TAFA1: variants seen among roughly 807,000 people sequenced by gnomAD.
TAFA1 encodes chemokine-like protein TAFA-1.
In TAFA1, 4 loss-of-function variants were observed where a neutral mutation model predicts 18.5. The ratio of observed to expected loss-of-function variants is 0.22; its 90% CI spans 0.11 to 0.49. The LOEUF is 0.49. Among genes scored for constraint, TAFA1 ranks in the 20% least tolerant of loss-of-function variants. The pLI is 0.98. For missense variants in TAFA1, 147 were observed against 169.0 expected, an observed-to-expected ratio of 0.87 and a Z score of 0.72; for synonymous variants, 56 against 55.2, an observed-to-expected ratio of 1.01 and a Z score of -0.06.
chr3:68,270,518 C>T (rs1028508816), intron 2 of TAFA1, among the ~76,000 whole-genome samples: 2 of 152,074 alleles, frequency 1.3e-5, no homozygotes, highest in Non-Finnish European at 2.9e-5. Flanking sequence ...GCATCGATTC[C>T]CCTGTCAGGG....
intron 2 of TAFA1, among the ~76,000 whole-genome samples, chr3:68,012,033 G>T (rs150111595): frequency 5.5e-4 from 83 of 152,150 alleles, no homozygotes; most frequent in South Asian, 1.5e-3. Context: ...TTTAGAAATG[G>T]CAAAAATGAA....
chr3:68,519,951 A>C (rs1248086616), intron 3 of TAFA1, among the ~76,000 whole-genome samples: 2 of 152,212 alleles, frequency 1.3e-5, no homozygotes, highest in Admixed American at 6.5e-5. Flanking sequence ...AATGTTGTTG[A>C]AGAAGAGTTT....
chr3:68,172,070 A>G (rs1485613365), intron 2 of TAFA1, among the ~76,000 whole-genome samples: 1 of 152,186 alleles, frequency 6.6e-6, no homozygotes, highest in East Asian at 1.9e-4. Context: ...AGTCTTCCCA[A>G]ATTTGATGAC....
At chr3:68,244,299 G>A (rs1381083812) in intron 2 of TAFA1, among the ~76,000 whole-genome samples, 2 of 152,024 alleles carry the variant, frequency 1.3e-5, no homozygotes, top group Non-Finnish European at 2.9e-5. Context: ...CCATTAATTG[G>A]TTGTTGTTTT....
intron 2 of TAFA1, among the ~76,000 whole-genome samples, chr3:68,176,260 T>C (rs528336902): frequency 6.6e-6 from 1 of 152,148 alleles, no homozygotes; most frequent in Non-Finnish European, 1.5e-5. Flanking sequence ...GGTGGGAGAA[T>C]TGTTTGAGGC....
chr3:68,313,228 A>G (rs1245569358), intron 2 of TAFA1, among the ~76,000 whole-genome samples: 2 of 152,238 alleles, frequency 1.3e-5, no homozygotes, highest in Non-Finnish European at 2.9e-5. Flanking sequence ...TGCTTAAAAC[A>G]TTATACCAAA....
chr3:68,482,891 G>C (rs1186034004), intron 3 of TAFA1, among the ~76,000 whole-genome samples: 12 of 152,206 alleles, frequency 7.9e-5, no homozygotes, highest in Admixed American at 7.9e-4. Flanking sequence ...TGTTGACATA[G>C]TTGAAGCCTC....
At chr3:68,359,740 A>G (rs980286779) in intron 2 of TAFA1, among the ~76,000 whole-genome samples, 1 of 151,962 alleles carries the variant, frequency 6.6e-6, no homozygotes, top group African/African-American at 2.4e-5. Flanking sequence ...AGATTGTGGT[A>G]AGTTGTTAAA....
intron 2 of TAFA1, among the ~76,000 whole-genome samples, chr3:68,009,528 A>C (rs1704429619): frequency 6.6e-6 from 1 of 152,226 alleles, no homozygotes; most frequent in Non-Finnish European, 1.5e-5. Context: ...CCCAAGTGCT[A>C]ATACATCTGA....
chr3:68,464,526 C>T (rs1455845550), intron 3 of TAFA1, among the ~76,000 whole-genome samples: 3 of 152,042 alleles, frequency 2.0e-5, no homozygotes, highest in African/African-American at 7.2e-5. Flanking sequence ...GGAAAACCAT[C>T]AGAAGCCCCT....
At chr3:68,361,950 G>A (rs889887775) in intron 2 of TAFA1, among the ~76,000 whole-genome samples, 6 of 152,050 alleles carry the variant, frequency 3.9e-5, no homozygotes, top group African/African-American at 1.4e-4. Context: ...CTAACATGGT[G>A]TCACTCATCT....
intron 2 of TAFA1, among the ~76,000 whole-genome samples, chr3:68,082,860 C>T (rs907993825): frequency 2.0e-5 from 3 of 152,120 alleles, no homozygotes; most frequent in Non-Finnish European, 2.9e-5. Flanking sequence ...TCGGAGCTAT[C>T]GAGTCCTGGT....
At chr3:68,224,023 A>G (rs1255203857) in intron 2 of TAFA1, among the ~76,000 whole-genome samples, 1 of 151,064 alleles carries the variant, frequency 6.6e-6, no homozygotes, top group Admixed American at 6.6e-5. Context: ...CCCAGATTTT[A>G]TAGCCAACAA....
intron 3 of TAFA1, among the ~76,000 whole-genome samples, chr3:68,471,274 G>A (rs2071992610): frequency 6.6e-6 from 1 of 152,222 alleles, no homozygotes; most frequent in African/African-American, 2.4e-5. Context: ...CAGTGCAGAA[G>A]GGAAGTGTGA....
intron 2 of TAFA1, among the ~76,000 whole-genome samples, chr3:68,385,704 G>T (rs2070085006): frequency 6.6e-6 from 1 of 151,866 alleles, no homozygotes; most frequent in Non-Finnish European, 1.5e-5. Context: ...ATAGCCTGTA[G>T]GCCAAACTCT....
At chr3:68,349,569 A>T (rs1490283889) in intron 2 of TAFA1, among the ~76,000 whole-genome samples, 4 of 152,040 alleles carry the variant, frequency 2.6e-5, no homozygotes, top group Admixed American at 2.6e-4. Flanking sequence ...ATTTCATAGG[A>T]AAAAAAGTCA....
chr3:68,462,466 A>G (rs1160350067), intron 3 of TAFA1, among the ~76,000 whole-genome samples: 2 of 152,108 alleles, frequency 1.3e-5, no homozygotes, highest in Non-Finnish European at 2.9e-5. Context: ...ACCTTTCACC[A>G]TGATCATGAG....
intron 2 of TAFA1, among the ~76,000 whole-genome samples, chr3:68,296,258 GC>G (rs5849816): frequency 0.19 from 28,724 of 152,050 alleles, 3,800 homozygotes; most frequent in East Asian, 0.74. Flanking sequence ...TTTATCTACA[GC>G]CTTTTAAAAC....
At chr3:68,256,913 A>G (rs1297410618) in intron 2 of TAFA1, among the ~76,000 whole-genome samples, 4 of 152,014 alleles carry the variant, frequency 2.6e-5, no homozygotes, top group Non-Finnish European at 5.9e-5. Flanking sequence ...TCTCTTTTCC[A>G]CACGGCAGCC....
Sources: gnomAD v4.1 joint callset for allele counts (sites outside exome capture counted in the v4.1 genomes callset) on GRCh38, gnomAD v4.1.1 for gene constraint, MANE v1.5 for transcripts, NCBI Gene and HGNC (gene_info 2026-07-23, HGNC 2026-07-21) for gene names.